The following ZFPM1 variants were observed in gnomAD, a reference collection of about 807,000 sequenced individuals.
ZFPM1 encodes zinc finger protein, FOG family member 1, also known as zinc finger protein ZFPM1.
Under a neutral mutation model 46.3 loss-of-function variants are expected in ZFPM1, and 28 were observed. The observed-to-expected ratio is 0.60, with a 90% CI of 0.45 to 0.83. The LOEUF (loss-of-function observed/expected upper bound fraction) is 0.83, where lower values mean the gene tolerates loss of function less well. Among genes scored for constraint, ZFPM1 ranks in the 40% least tolerant of loss-of-function variants. The pLI is 0.00. For synonymous variants in ZFPM1, 957 were observed against 675.9 expected (o/e 1.42, Z -6.45); for missense variants, 1,878 against 1,432.4 (o/e 1.31, Z -5.02).
At chr16:88,478,519 T>C (rs1248667057) in intron 1 of ZFPM1, among the ~76,000 whole-genome samples, 1 of 152,280 alleles carries the variant, frequency 6.6e-6, no homozygotes, top group Non-Finnish European at 1.5e-5. Context: ...GGGGTCGCTG[T>C]CACGGTTGCC....
intron 1 of ZFPM1, among the ~76,000 whole-genome samples, chr16:88,454,477 T>A (rs1907445644): frequency 6.6e-6 from 1 of 152,110 alleles, no homozygotes; most frequent in Non-Finnish European, 1.5e-5. Context: ...AATGGGCTGC[T>A]CTGAGTCAGA....
intron 3 of ZFPM1, among the ~76,000 whole-genome samples, chr16:88,492,185 T>TTC (rs368297743): frequency 3.3e-5 from 5 of 149,330 alleles, no homozygotes; most frequent in South Asian, 2.1e-4. Flanking sequence ...CTGCCTCTCT[T>TTC]TCTCTCTCTC....
In ZFPM1 at chr16:88,528,214, A is replaced by C. The variant is rs149880406; in HGVS notation, c.688A>C (p.Ile230Leu). The C allele has an allele frequency of 4.0e-3, 6,449 of 1,609,850 alleles. 26 individuals are homozygous for C. The highest frequency in any genetic ancestry group is 4.7e-3 in the Non-Finnish European group (5,591 of 1,179,252). Reference protein sequence around the residue: ...LLPQQAGMASILATAVINKDV... With the variant: ...LLPQQAGMASLLATAVINKDV... ...GCCCCAGCAGGCCGGGATGGCCTCC[A>C]TCCTTGCCACCGCAGTGATCAACAG... Residue 230 changes from isoleucine (I) to leucine (L), a missense_variant, in exon 6 of 10, where the codon ATC becomes CTC. Transcript: ENST00000319555.
intron 3 of ZFPM1, among the ~76,000 whole-genome samples, chr16:88,492,392 G>T (rs1460671851): frequency 6.6e-6 from 1 of 152,160 alleles, no homozygotes; most frequent in East Asian, 1.9e-4. Flanking sequence ...TCTTGAGGCG[G>T]CCTGGGAGGT....
At position 88,534,827 on chromosome 16, in the gene ZFPM1, G is replaced by A; in HGVS notation, c.2869G>A (p.Val957Ile). The part of the protein sequence containing the change: ...PAPPSYSDKG[V>I]QTPSKGTPAP... ...GCCCCCCTCCTACTCGGACAAGGGC[G>A]TCCAGACTCCCAGCAAGGGCACGCC... The change falls in exon 10 of 10, where the codon GTC (valine) becomes ATC (isoleucine). Residue 957 changes from valine to isoleucine, a missense_variant. Val to Ile is a conservative substitution (Grantham distance 29). Coordinates refer to ENST00000319555, the MANE Select transcript of ZFPM1 (RefSeq NM_153813.3). The A allele has an allele frequency of 1.3e-6, 2 of 1,542,730 alleles. No homozygotes were observed. The highest frequency in any genetic ancestry group is 1.2e-5 in the South Asian group (1 of 85,504).
chr16:88,532,731 G>A (rs768202986), intron 8 of ZFPM1, 22 bp downstream of exon 8: 21 of 1,612,318 alleles, frequency 1.3e-5, no homozygotes, highest in Admixed American at 1.7e-5. Flanking sequence ...AGGGGCCGGG[G>A]GGTGTGTGGG....
chr16:88,514,140 G>A (rs947790719), intron 3 of ZFPM1, among the ~76,000 whole-genome samples: 3 of 152,140 alleles, frequency 2.0e-5, no homozygotes, highest in African/African-American at 7.2e-5. Context: ...CCATCGCAGG[G>A]CTCACAGCTC....
intron 4 of ZFPM1, among the ~76,000 whole-genome samples, chr16:88,526,098 C>G (rs1183589739): frequency 6.6e-6 from 1 of 152,206 alleles, no homozygotes; most frequent in Non-Finnish European, 1.5e-5. Context: ...GCTGGTGTCT[C>G]AGGCCCACAG....
chr16:88,506,919 T>C (rs1289479859), intron 3 of ZFPM1, among the ~76,000 whole-genome samples: 30 of 152,244 alleles, frequency 2.0e-4, no homozygotes, highest in South Asian at 2.1e-4. Context: ...GTCTCCCTTC[T>C]CGCTAGCGCA....
At chr16:88,461,053 C>CCTGGTGAGGACCGAGGGGCGGGAGA (rs1907829013) in intron 1 of ZFPM1, among the ~76,000 whole-genome samples, 1 of 57,096 alleles carries the variant, frequency 1.8e-5, no homozygotes, top group African/African-American at 1.0e-4. Flanking sequence ...GGGCGGGAGG[C>CCTGGTGAGGACCGAGGGGCGGGAGA]CCTGGTGAGG....
intron 6 of ZFPM1, among the ~76,000 whole-genome samples, chr16:88,531,647 G>A (rs745644901): frequency 3.9e-5 from 6 of 152,200 alleles, no homozygotes; most frequent in Non-Finnish European, 8.8e-5. Context: ...GGGTCCACAC[G>A]GTCACCCCAG....
At chr16:88,466,618 C>G (rs1908146044) in intron 1 of ZFPM1, among the ~76,000 whole-genome samples, 1 of 152,222 alleles carries the variant, frequency 6.6e-6, no homozygotes, top group Admixed American at 6.5e-5. Context: ...GCTGGCCTGC[C>G]TCTATTCTTG....
chr16:88,476,284 T>TC (rs1356238573), intron 1 of ZFPM1, among the ~76,000 whole-genome samples: 2 of 151,910 alleles, frequency 1.3e-5, no homozygotes, highest in Non-Finnish European at 2.9e-5. Flanking sequence ...CACACCCCCC[T>TC]CCAAGCCAGC....
At chr16:88,525,069 T>C (rs562309219) in intron 4 of ZFPM1, among the ~76,000 whole-genome samples, 2 of 152,352 alleles carry the variant, frequency 1.3e-5, no homozygotes, top group Non-Finnish European at 2.9e-5. Flanking sequence ...GAGTAGTCAC[T>C]GAACGTCCCA....
At chr16:88,515,870 G>A (rs1052792892) in intron 4 of ZFPM1, among the ~76,000 whole-genome samples, 1 of 152,220 alleles carries the variant, frequency 6.6e-6, no homozygotes, top group African/African-American at 2.4e-5. Context: ...CTGGGGTGCT[G>A]GGATGTGGGG....
chr16:88,532,687 G>A lies in ZFPM1; in HGVS notation c.1020G>A (p.Lys340=), dbSNP rs1251805218. The A allele has an allele frequency of 1.9e-6, 3 of 1,609,582 alleles. No individual in the cohort carries two copies. In the South Asian group the frequency reaches 3.3e-5, roughly 18 times the overall value. ...AGGCCAACTGCGAGCGGCACCTCAA[G>A]GTGCACACGGACACGCTGAGCGGTA... ...TTKANCERHL[K]VHTDTLSGVC... Residue 340 remains lysine (K), a synonymous_variant, in exon 8 of 10, where the codon AAG becomes AAA. Transcript: ENST00000319555.
chr16:88,522,273 C>T (rs1449171275), intron 4 of ZFPM1, among the ~76,000 whole-genome samples: 4 of 152,232 alleles, frequency 2.6e-5, no homozygotes, highest in Non-Finnish European at 5.9e-5. Flanking sequence ...GAGACAGAGG[C>T]ACTGAGGGAC....
At chr16:88,504,030 T>G (rs1173344525) in intron 3 of ZFPM1, among the ~76,000 whole-genome samples, 2 of 151,628 alleles carry the variant, frequency 1.3e-5, no homozygotes, top group Non-Finnish European at 2.9e-5. Flanking sequence ...TCAGTGGGGG[T>G]GGGTGCCTGC....
intron 3 of ZFPM1, among the ~76,000 whole-genome samples, chr16:88,509,845 G>A (rs1390952143): frequency 2.6e-5 from 4 of 152,204 alleles, no homozygotes; most frequent in African/African-American, 9.6e-5. Context: ...GATGGGAGCA[G>A]ACGCTCCTCT....
Sources: allele counts gnomAD v4.1 joint callset (sites outside exome capture counted in the v4.1 genomes callset), GRCh38; gene constraint gnomAD v4.1.1; transcripts MANE v1.5; gene names NCBI Gene and HGNC (gene_info 2026-07-23, HGNC 2026-07-21).